MYO9A: variants seen among roughly 807,000 people sequenced by gnomAD.
MYO9A encodes myosin IXA.
Under a neutral mutation model 293.3 loss-of-function variants are expected in MYO9A, and 103 were observed. The observed-to-expected ratio is 0.35, with a 90% CI of 0.30 to 0.41. MYO9A has a LOEUF of 0.41. Ranked by LOEUF, MYO9A falls within the 10% of genes least tolerant of loss-of-function variation. The pLI, the probability that MYO9A is intolerant of heterozygous loss-of-function variation, is 1.00. For missense variants in MYO9A, 2,685 were observed against 3,033.0 expected, an observed-to-expected ratio of 0.89 and a Z score of 2.69; for synonymous variants, 1,001 against 1,035.7, an observed-to-expected ratio of 0.97 and a Z score of 0.64.
chr15:72,115,068 T>A (rs562717061), intron 1 of MYO9A, among the ~76,000 whole-genome samples: 33 of 152,274 alleles, frequency 2.2e-4, no homozygotes, highest in African/African-American at 6.0e-4. Flanking sequence ...ACTACTAAAA[T>A]AACTAAGGGA....
chr15:71,948,063 T>C (rs2058962410), intron 15 of MYO9A, among the ~76,000 whole-genome samples: 1 of 152,282 alleles, frequency 6.6e-6, no homozygotes, highest in African/African-American at 2.4e-5. Context: ...AAGGCCACAA[T>C]ACCTTTATGT....
chr15:71,987,181 A>G (rs1373324788), intron 11 of MYO9A, among the ~76,000 whole-genome samples: 1 of 152,172 alleles, frequency 6.6e-6, no homozygotes, highest in African/African-American at 2.4e-5. Context: ...GGCTATACCA[A>G]CTAGGTTTGT....
At chr15:71,872,855 A>G (rs2056558818) in intron 32 of MYO9A, among the ~76,000 whole-genome samples, 1 of 151,934 alleles carries the variant, frequency 6.6e-6, no homozygotes, top group African/African-American at 2.4e-5. Context: ...TAGCCCTTGT[A>G]CTTTTTTTCT....
intron 6 of MYO9A, among the ~76,000 whole-genome samples, chr15:72,014,780 GAAAA>G (rs2077280611): frequency 6.6e-6 from 1 of 151,440 alleles, no homozygotes; most frequent in South Asian, 2.1e-4. Flanking sequence ...GAGAAAGAAA[GAAAA>G]GAAAGAAGGA....
intron 1 of MYO9A, among the ~76,000 whole-genome samples, chr15:72,066,938 TAA>T (rs2079039663): frequency 6.6e-6 from 1 of 151,376 alleles, no homozygotes; most frequent in Admixed American, 6.6e-5. Flanking sequence ...AAAAAAGAAA[TAA>T]AAGAGATTGG....
At position 71,921,024 on chromosome 15, in the gene MYO9A, A is replaced by G. The variant is rs369015463; in HGVS notation, c.2563-4532T>C. ...GCAACACAGTAAAATTAGTTTGAGCATGAATTTTGAGACAAGGAAGATATC... is the reference window on the plus strand; with the variant it reads ...GCAACACAGTAAAATTAGTTTGAGCGTGAATTTTGAGACAAGGAAGATATC... On this transcript the variant is annotated intron_variant, in intron 18 of 41. Coordinates refer to ENST00000356056, the MANE Select transcript of MYO9A (RefSeq NM_006901.4). 5.3e-5 allele frequency among the ~76,000 whole-genome samples: 8 copies of G among 152,302 alleles called. No individual in the cohort carries two copies. The East Asian group carries it at 1.5e-3, about 29-fold the overall frequency.
At chr15:72,000,429 TA>T (rs2076830586) in intron 8 of MYO9A, among the ~76,000 whole-genome samples, 1 of 152,220 alleles carries the variant, frequency 6.6e-6, no homozygotes, top group Non-Finnish European at 1.5e-5. Context: ...ACTTTTAAGA[TA>T]AAGTTGACAC....
At chr15:72,071,693 T>C (rs545216319) in intron 1 of MYO9A, among the ~76,000 whole-genome samples, 226 of 152,144 alleles carry the variant, frequency 1.5e-3, no homozygotes, top group African/African-American at 5.0e-3. Flanking sequence ...AGACAGAGGC[T>C]GCAGTGAGCC....
At chr15:72,078,464 C>T (rs1298052647) in intron 1 of MYO9A, among the ~76,000 whole-genome samples, 1 of 152,084 alleles carries the variant, frequency 6.6e-6, no homozygotes, top group Admixed American at 6.5e-5. Context: ...TGCACTCCAG[C>T]CTGTGGGACC....
intron 1 of MYO9A, among the ~76,000 whole-genome samples, chr15:72,049,790 G>A (rs1000555147): frequency 3.3e-5 from 5 of 152,198 alleles, no homozygotes; most frequent in Admixed American, 1.3e-4. Context: ...AGGCAGAATA[G>A]TTTCATCCCA....
chr15:71,961,112 A>C (rs994771831), intron 13 of MYO9A, among the ~76,000 whole-genome samples: 1 of 152,220 alleles, frequency 6.6e-6, no homozygotes, highest in African/African-American at 2.4e-5. Context: ...GAATTATTCA[A>C]AGAAAGAATG....
intron 26 of MYO9A, chr15:71,890,108 G>C (rs576750292): frequency 3.1e-4 from 47 of 152,212 alleles, no homozygotes; most frequent in Non-Finnish European, 6.6e-4. Flanking sequence ...AGTCAAAGTG[G>C]GTTTTCTCTT....
intron 19 of MYO9A, among the ~76,000 whole-genome samples, chr15:71,910,568 G>C (rs960464855): frequency 2.0e-5 from 3 of 152,052 alleles, no homozygotes; most frequent in African/African-American, 4.8e-5. Flanking sequence ...CAATATGCTT[G>C]TATCAATTTA....
intron 14 of MYO9A, chr15:71,958,995 A>T (rs951545220): frequency 1.3e-5 from 2 of 152,220 alleles, no homozygotes; most frequent in Non-Finnish European, 2.9e-5. Context: ...ATCAATTTTG[A>T]GTGGTTTTCT....
At chr15:71,912,265 T>C (rs967472898) in intron 19 of MYO9A, among the ~76,000 whole-genome samples, 1 of 151,996 alleles carries the variant, frequency 6.6e-6, no homozygotes, top group Non-Finnish European at 1.5e-5. Flanking sequence ...AAAGTTTTTT[T>C]TTTTTTTCTT....
chr15:71,993,968 A>AAT (rs2076619969), intron 10 of MYO9A, among the ~76,000 whole-genome samples: 1 of 151,888 alleles, frequency 6.6e-6, no homozygotes, highest in African/African-American at 2.4e-5. Flanking sequence ...AAAAAAAAAA[A>AAT]AAACAGCAAT....
At chr15:72,071,245 C>T (rs1228379274) in intron 1 of MYO9A, among the ~76,000 whole-genome samples, 2 of 151,962 alleles carry the variant, frequency 1.3e-5, no homozygotes, top group Admixed American at 6.6e-5. Flanking sequence ...AGGACAGGAA[C>T]GGCACTTCTC....
intron 27 of MYO9A, 28 bp downstream of exon 27, chr15:71,887,976 C>A: frequency 2.4e-6 from 3 of 1,254,662 alleles, no homozygotes; most frequent in South Asian, 1.4e-5. Flanking sequence ...ATTATATAAC[C>A]CCTGTTAACT....
intron 18 of MYO9A, among the ~76,000 whole-genome samples, chr15:71,920,758 G>A (rs1315658902): frequency 6.6e-6 from 1 of 151,932 alleles, no homozygotes; most frequent in Non-Finnish European, 1.5e-5. Flanking sequence ...AACCAGTGAG[G>A]TCAATATGGC....
Sources: gnomAD v4.1 joint callset for allele counts (sites outside exome capture counted in the v4.1 genomes callset) on GRCh38, gnomAD v4.1.1 for gene constraint, MANE v1.5 for transcripts, NCBI Gene and HGNC (gene_info 2026-07-23, HGNC 2026-07-21) for gene names.